TRAPPC9: variants seen among roughly 807,000 people sequenced by gnomAD.
TRAPPC9 encodes trafficking protein particle complex subunit 9, also known as IKK2 binding protein.
In TRAPPC9, 83 loss-of-function variants were observed where a neutral mutation model predicts 124.0. That is an observed-to-expected ratio of 0.67 (90% CI 0.56 to 0.80). The LOEUF (loss-of-function observed/expected upper bound fraction) is 0.80, where lower values mean the gene tolerates loss of function less well. Ranked by LOEUF, TRAPPC9 falls within the 30% of genes least tolerant of loss-of-function variation. The probability of loss-of-function intolerance (pLI) is 0.00; values close to 1 mark genes in which losing one functional copy is unlikely to be tolerated. For missense variants in TRAPPC9, 1,302 were observed against 1,508.3 expected, an observed-to-expected ratio of 0.86 and a Z score of 2.27; for synonymous variants, 638 against 617.5, an observed-to-expected ratio of 1.03 and a Z score of -0.49.
intron 13 of TRAPPC9, among the ~76,000 whole-genome samples, chr8:140,286,172 T>C (rs1410313113): frequency 2.0e-5 from 3 of 152,082 alleles, no homozygotes; most frequent in Admixed American, 1.3e-4. Context: ...AAGCACTCGA[T>C]GGGACACAGG....
At chr8:139,922,867 A>G (rs1467631853) in intron 19 of TRAPPC9, among the ~76,000 whole-genome samples, 1 of 152,232 alleles carries the variant, frequency 6.6e-6, no homozygotes, top group Non-Finnish European at 1.5e-5. Context: ...AGAGGGAAAG[A>G]ATGAGGAACC....
intron 14 of TRAPPC9, among the ~76,000 whole-genome samples, chr8:140,276,406 T>G (rs1036086819): frequency 1.4e-4 from 22 of 152,056 alleles, no homozygotes; most frequent in African/African-American, 5.1e-4. Context: ...GGTCAGGCAG[T>G]ATCTGTGGGG....
intron 20 of TRAPPC9, among the ~76,000 whole-genome samples, chr8:139,908,926 C>A (rs767185097): frequency 2.6e-5 from 4 of 152,214 alleles, no homozygotes; most frequent in African/African-American, 9.6e-5. Flanking sequence ...CTGTTCACTA[C>A]GTGAGTCCCC....
intron 21 of TRAPPC9, among the ~76,000 whole-genome samples, chr8:139,878,606 C>T (rs374696077): frequency 5.3e-5 from 8 of 152,198 alleles, no homozygotes; most frequent in African/African-American, 1.4e-4. Flanking sequence ...TGGCAGGGCT[C>T]GGAAATAACA....
chr8:139,801,869 T>C (rs1460064418), intron 21 of TRAPPC9, among the ~76,000 whole-genome samples: 1 of 152,198 alleles, frequency 6.6e-6, no homozygotes, highest in African/African-American at 2.4e-5. Flanking sequence ...CTGTCAACAA[T>C]CTGCGCCTCT....
At chr8:140,061,294 CCCGGCAGCCTGTTGTGT>C (rs78804208) in intron 17 of TRAPPC9, among the ~76,000 whole-genome samples, 1 of 49,590 alleles carries the variant, frequency 2.0e-5, no homozygotes, top group Non-Finnish European at 7.6e-5. Context: ...CCCAAGGCTG[CCCGGCAGCCTGTTGTGT>C]CCTCTCTTGC....
At chr8:140,175,441 T>G (rs890547585) in intron 17 of TRAPPC9, among the ~76,000 whole-genome samples, 20 of 151,982 alleles carry the variant, frequency 1.3e-4, no homozygotes, top group Non-Finnish European at 2.9e-5. Flanking sequence ...CGGGCCAGGT[T>G]CTGAAAAAGA....
intron 19 of TRAPPC9, among the ~76,000 whole-genome samples, chr8:139,970,541 C>A (rs1019182612): frequency 6.6e-6 from 1 of 152,156 alleles, no homozygotes; most frequent in Admixed American, 6.5e-5. Flanking sequence ...CTTCATACAG[C>A]CTGTCCCAGA....
chr8:140,391,783 T>G (rs1289366870), intron 7 of TRAPPC9, among the ~76,000 whole-genome samples: 1 of 151,426 alleles, frequency 6.6e-6, no homozygotes, highest in Non-Finnish European at 1.5e-5. Context: ...TCCCAGCACT[T>G]TGGGAGGCCA....
intron 21 of TRAPPC9, among the ~76,000 whole-genome samples, chr8:139,840,122 G>C (rs1462915112): frequency 6.6e-6 from 1 of 152,206 alleles, no homozygotes; most frequent in African/African-American, 2.4e-5. Flanking sequence ...GCCTGGCAGA[G>C]CAGGCCCAGG....
chr8:140,253,054 T>C, intron 15 of TRAPPC9, 125 bp from the exon 16 acceptor site: 2 of 973,286 alleles, frequency 2.1e-6, no homozygotes, highest in Non-Finnish European at 3.1e-6. Flanking sequence ...TTAAAATGTG[T>C]AAGATCAAAG....
chr8:139,998,353 A>G (rs1429072605), intron 18 of TRAPPC9, among the ~76,000 whole-genome samples: 1 of 152,242 alleles, frequency 6.6e-6, no homozygotes, highest in African/African-American at 2.4e-5. Flanking sequence ...GGGAAACTTG[A>G]ACACGAAGCA....
chr8:140,011,204 G>A (rs1387778009), intron 18 of TRAPPC9, among the ~76,000 whole-genome samples: 5 of 151,860 alleles, frequency 3.3e-5, no homozygotes, highest in African/African-American at 1.2e-4. Context: ...GCTGGGCGTG[G>A]TGAGGCAGGC....
At chr8:140,365,021 C>G (rs1445885134) in intron 8 of TRAPPC9, among the ~76,000 whole-genome samples, 2 of 151,220 alleles carry the variant, frequency 1.3e-5, no homozygotes, top group Non-Finnish European at 3.0e-5. Context: ...AACACACACT[C>G]TTTCTGGGGG....
chr8:139,802,214 A>G (rs1212354431), intron 21 of TRAPPC9, among the ~76,000 whole-genome samples: 1 of 152,118 alleles, frequency 6.6e-6, no homozygotes, highest in East Asian at 1.9e-4. Context: ...GCACAAATGT[A>G]CTTGGAGTGA....
chr8:140,172,125 T>C (rs530183750), intron 17 of TRAPPC9, among the ~76,000 whole-genome samples: 26 of 152,232 alleles, frequency 1.7e-4, no homozygotes, highest in Non-Finnish European at 7.4e-5. Flanking sequence ...GGAAGAACTG[T>C]CTCTTTATTC....
chr8:139,949,015 G>A (rs913764311), intron 19 of TRAPPC9, among the ~76,000 whole-genome samples: 16 of 152,210 alleles, frequency 1.1e-4, no homozygotes, highest in South Asian at 4.2e-4. Flanking sequence ...AGAGGTTGCC[G>A]TGAGCCAAGA....
intron 17 of TRAPPC9, among the ~76,000 whole-genome samples, chr8:140,037,215 C>T (rs893866983): frequency 8.6e-5 from 13 of 152,028 alleles, no homozygotes; most frequent in African/African-American, 2.7e-4. Context: ...GGCCCCTGAG[C>T]GAGTGATCTG....
At chr8:139,903,839 G>A (rs1057200629) in intron 20 of TRAPPC9, among the ~76,000 whole-genome samples, 3 of 152,114 alleles carry the variant, frequency 2.0e-5, no homozygotes, top group African/African-American at 7.2e-5. Context: ...TCAGGAGTTC[G>A]AGACCAGCCT....
Sources: allele counts gnomAD v4.1 joint callset (sites outside exome capture counted in the v4.1 genomes callset), GRCh38; gene constraint gnomAD v4.1.1; transcripts MANE v1.5; gene names NCBI Gene and HGNC (gene_info 2026-07-23, HGNC 2026-07-21).